Variants in FIP1L1 observed in about 807,000 individuals in gnomAD.
FIP1L1 encodes factor interacting with PAPOLA and CPSF1.
A neutral mutation model predicts 84.6 loss-of-function variants in FIP1L1; 21 were observed. The ratio of observed to expected loss-of-function variants is 0.25; its 90% CI spans 0.18 to 0.36. The LOEUF is 0.36. Among genes scored for constraint, FIP1L1 ranks in the 10% least tolerant of loss-of-function variants. FIP1L1 has a pLI of 1.00. For missense variants in FIP1L1, 526 were observed against 751.1 expected (o/e 0.70, Z 3.50); for synonymous variants, 263 against 242.3 (o/e 1.09, Z -0.80).
chr4:53,418,116 C>T (rs1760646608), intron 11 of FIP1L1, among the ~76,000 whole-genome samples: 1 of 151,952 alleles, frequency 6.6e-6, no homozygotes, highest in Admixed American at 6.6e-5. Context: ...TAGCAAAACC[C>T]CAACTCTACC....
intron 5 of FIP1L1, 85 bp downstream of exon 5, chr4:53,383,961 T>C: frequency 1.7e-6 from 2 of 1,207,588 alleles, no homozygotes. Flanking sequence ...AGTGGTTGAG[T>C]CCATTGTTTT....
In FIP1L1 at chr4:53,391,439, T is replaced by C. The variant is rs1397804193; in HGVS notation, c.646T>C (p.Cys216Arg). The change falls in exon 9 of 18, where the codon TGT (cysteine) becomes CGT (arginine). Residue 216 changes from cysteine (C) to arginine (R), a missense_variant. By Grantham distance (180) the Cys-to-Arg change is radical. This residue lies in a region of FIP1L1 where 169 missense variants were observed against 206.9 expected (regional missense o/e 0.82). Transcript: ENST00000337488. ...STTNKITAEDCTMEVTPGAEI... is the reference protein window; with the variant it reads ...STTNKITAEDRTMEVTPGAEI... The stretch of plus-strand genomic sequence containing the variant: ...ATGTTATTTAACTTAGGCCGAAGAC[T>C]GTACTATGGAAGTTACACCAGGTGC... The C allele has an allele frequency of 9.9e-6, 16 of 1,612,946 alleles. No homozygotes were observed. Among genetic ancestry groups the C allele is most frequent in the Non-Finnish European group, 1.3e-5 (15 of 1,178,986 alleles).
At chr4:53,457,280 C>T (rs1043839883) in intron 16 of FIP1L1, among the ~76,000 whole-genome samples, 7 of 152,038 alleles carry the variant, frequency 4.6e-5, no homozygotes, top group African/African-American at 1.7e-4. Context: ...GTGTGTACTC[C>T]ACTTGTACTC....
intron 5 of FIP1L1, among the ~76,000 whole-genome samples, chr4:53,385,025 T>A (rs59688540): frequency 2.4e-3 from 358 of 152,256 alleles, no homozygotes; most frequent in African/African-American, 7.9e-3. Flanking sequence ...TGACTACCCA[T>A]GTAATTTTAA....
At chr4:53,420,827 A>T (rs936944617) in intron 11 of FIP1L1, among the ~76,000 whole-genome samples, 3 of 152,142 alleles carry the variant, frequency 2.0e-5, no homozygotes, top group Non-Finnish European at 4.4e-5. Flanking sequence ...TATGTAATCA[A>T]TGATATTCTT....
chr4:53,403,206 G>A (rs1407274242), intron 10 of FIP1L1, among the ~76,000 whole-genome samples: 1 of 151,980 alleles, frequency 6.6e-6, no homozygotes, highest in African/African-American at 2.4e-5. Flanking sequence ...ATTTTTATAT[G>A]CTGATGGGAA....
At position 53,377,744 on chromosome 4, in the gene FIP1L1, G is replaced by C; in HGVS notation, c.-95G>C. On this transcript the variant is annotated 5_prime_UTR_variant, in exon 1 of 18. Transcript: ENST00000337488. ...AGCTTTCTTCGTTCGTTCGTCGGCG[G>C]GTTCGCGCCCTTCTCGCGCCTCGGG... 2.5e-6 allele frequency: 3 copies of C among 1,197,028 alleles called. No individual in the cohort carries two copies. Among genetic ancestry groups the C allele is most frequent in the Non-Finnish European group, 3.4e-6 (3 of 884,900 alleles). The allele number at this position is 1,197,028 out of a possible 1,614,324, so 74.2% of individuals were successfully genotyped here.
chr4:53,403,465 A>G (rs1221707879), intron 10 of FIP1L1, among the ~76,000 whole-genome samples: 1 of 152,240 alleles, frequency 6.6e-6, no homozygotes, highest in Non-Finnish European at 1.5e-5. Context: ...ATCAAAATAG[A>G]AACCATTACA....
intron 13 of FIP1L1, among the ~76,000 whole-genome samples, chr4:53,437,716 T>A (rs2150160449): frequency 6.6e-6 from 1 of 151,770 alleles, no homozygotes; most frequent in Non-Finnish European, 1.5e-5. Context: ...TATTTATTTA[T>A]TTATTTATTA....
chr4:53,378,013 C>A, intron 1 of FIP1L1, 90 bp downstream of exon 1: 1 of 1,158,656 alleles, frequency 8.6e-7, no homozygotes, highest in Non-Finnish European at 1.2e-6. Context: ...TCTCGCGCCG[C>A]CGCTTCGGGC....
intron 10 of FIP1L1, among the ~76,000 whole-genome samples, chr4:53,410,008 C>G (rs964310923): frequency 4.6e-5 from 7 of 152,210 alleles, no homozygotes; most frequent in Non-Finnish European, 7.3e-5. Context: ...TGTCCTGCGC[C>G]CACTGTCTGG....
chr4:53,408,245 C>T (rs890368128), intron 10 of FIP1L1, among the ~76,000 whole-genome samples: 1 of 152,132 alleles, frequency 6.6e-6, no homozygotes, highest in African/African-American at 2.4e-5. Context: ...ATTTCTCCAT[C>T]TCTTATGAAG....
intron 15 of FIP1L1, among the ~76,000 whole-genome samples, chr4:53,448,175 C>T (rs1471668820): frequency 6.6e-6 from 1 of 152,022 alleles, no homozygotes; most frequent in Non-Finnish European, 1.5e-5. Flanking sequence ...ATTTGGCCAT[C>T]TGAAATTAAT....
At chr4:53,429,601 C>CT (rs1765700675) in intron 13 of FIP1L1, among the ~76,000 whole-genome samples, 1 of 151,938 alleles carries the variant, frequency 6.6e-6, no homozygotes, top group African/African-American at 2.4e-5. Context: ...CTGTTGGATT[C>CT]CTTTGTAATA....
At chr4:53,432,555 A>G (rs1390130700) in intron 13 of FIP1L1, among the ~76,000 whole-genome samples, 1 of 152,128 alleles carries the variant, frequency 6.6e-6, no homozygotes, top group African/African-American at 2.4e-5. Flanking sequence ...CAGTGGTTTC[A>G]TGCTTTTTCT....
intron 10 of FIP1L1, among the ~76,000 whole-genome samples, chr4:53,405,549 T>G (rs1431224024): frequency 1.0e-4 from 15 of 149,476 alleles, no homozygotes; most frequent in Non-Finnish European, 1.8e-4. Context: ...GTGAAGAAAG[T>G]CATTGGTAGC....
intron 13 of FIP1L1, 167 bp downstream of exon 13, chr4:53,428,350 T>A: frequency 1.8e-6 from 1 of 564,356 alleles, no homozygotes; most frequent in Admixed American, 3.8e-5. Context: ...TTTATTGCTA[T>A]TTCAATATAG....
intron 10 of FIP1L1, among the ~76,000 whole-genome samples, chr4:53,404,664 C>A (rs1319805192): frequency 6.6e-6 from 1 of 151,984 alleles, no homozygotes; most frequent in Non-Finnish European, 1.5e-5. Context: ...CACATCCTCT[C>A]CAGCACGTGT....
intron 11 of FIP1L1, among the ~76,000 whole-genome samples, chr4:53,425,059 A>G (rs1274411082): frequency 6.6e-6 from 1 of 152,106 alleles, no homozygotes; most frequent in Admixed American, 6.6e-5. Context: ...TAAAGGCAGT[A>G]TTGTTCAGAA....
Sources: allele counts gnomAD v4.1 joint callset (sites outside exome capture counted in the v4.1 genomes callset), GRCh38; gene constraint gnomAD v4.1.1; regional missense constraint gnomAD v4.1.1; transcripts MANE v1.5; gene names NCBI Gene and HGNC (gene_info 2026-07-23, HGNC 2026-07-21).